The following AGMO variants were observed in gnomAD, a reference collection of about 807,000 sequenced individuals.
AGMO encodes the protein glyceryl-ether monooxygenase.
Under a neutral mutation model 60.2 loss-of-function variants are expected in AGMO, and 75 were observed. The observed-to-expected ratio is 1.25, with a 90% CI of 1.03 to 1.51. The LOEUF is 1.51. AGMO is among the 40% of genes most tolerant of loss of function. AGMO has a pLI of 0.00. For synonymous variants in AGMO, 261 were observed against 177.1 expected, an observed-to-expected ratio of 1.47 and a Z score of -3.76; for missense variants, 763 against 525.5, an observed-to-expected ratio of 1.45 and a Z score of -4.42.
chr7:15,300,590 A>C (rs1004740774), intron 12 of AGMO, among the ~76,000 whole-genome samples: 1 of 152,216 alleles, frequency 6.6e-6, no homozygotes, highest in African/African-American at 2.4e-5. Flanking sequence ...AAAAGAAAGC[A>C]GCAATTTTTC....
chr7:15,390,973 T>G, intron 6 of AGMO, 68 bp from the exon 7 acceptor site: 1 of 962,342 alleles, frequency 1.0e-6, no homozygotes, highest in Non-Finnish European at 1.5e-6. Context: ...ACTTCCATCT[T>G]GTTTTTTAGA....
At chr7:15,138,430 C>G in the AGMO span, among the ~76,000 whole-genome samples, 5 of 152,144 alleles carry the variant, frequency 3.3e-5, no homozygotes, top group African/African-American at 1.2e-4. Context: ...ATCATAATCC[C>G]GACATCCTAA....
intron 3 of AGMO, among the ~76,000 whole-genome samples, chr7:15,498,328 AT>A (rs1783289718): frequency 6.6e-6 from 1 of 152,022 alleles, no homozygotes; most frequent in Non-Finnish European, 1.5e-5. Context: ...TAGTGGGGAT[AT>A]TTAGTAGTTT....
At chr7:15,155,188 T>C in the AGMO span, among the ~76,000 whole-genome samples, 2 of 152,166 alleles carry the variant, frequency 1.3e-5, no homozygotes, top group Non-Finnish European at 2.9e-5. Context: ...TCCTCAAATA[T>C]GGTTTCCAAG....
intron 12 of AGMO, among the ~76,000 whole-genome samples, chr7:15,321,049 C>T (rs916366870): frequency 2.6e-5 from 4 of 152,138 alleles, no homozygotes; most frequent in African/African-American, 9.7e-5. Flanking sequence ...TTTGAGAGGA[C>T]TATTTCATAC....
At chr7:15,462,706 C>T (rs932689089) in intron 3 of AGMO, among the ~76,000 whole-genome samples, 2 of 152,086 alleles carry the variant, frequency 1.3e-5, no homozygotes. Flanking sequence ...AAAAATTAAG[C>T]TCTATCATGT....
chr7:15,178,039 T>A, the AGMO span, among the ~76,000 whole-genome samples: 1 of 152,158 alleles, frequency 6.6e-6, no homozygotes, highest in African/African-American at 2.4e-5. Context: ...CCACTCTTCT[T>A]ACCCCTCCTC....
In AGMO at chr7:15,450,073, AT is replaced by A. The variant is rs1343652765; in HGVS notation, c.410-18966del. On this transcript the variant is annotated intron_variant, in intron 3 of 12. Transcript: ENST00000342526. ...CTTGGTTATTTAAAACCCTTAGTAA[AT>A]TTTTAGTAAAGTATTACAAATGTAA... is the stretch of plus-strand genomic sequence containing the variant. 2.0e-5 allele frequency among the ~76,000 whole-genome samples: 3 copies of A among 152,282 alleles called. No homozygotes were observed. In the East Asian group the frequency reaches 5.8e-4, roughly 29 times the overall value.
chr7:15,287,495 G>A (rs1384824649), intron 12 of AGMO, among the ~76,000 whole-genome samples: 1 of 152,010 alleles, frequency 6.6e-6, no homozygotes, highest in Non-Finnish European at 1.5e-5. Context: ...CAATAGTTTT[G>A]TTCTATTCTG....
At chr7:15,224,427 T>C (rs996230817) in intron 12 of AGMO, among the ~76,000 whole-genome samples, 1 of 151,916 alleles carries the variant, frequency 6.6e-6, no homozygotes, top group African/African-American at 2.4e-5. Context: ...CCCCTTTTTG[T>C]CTCTCTGTCC....
At chr7:15,463,558 TTAA>T (rs1437424965) in intron 3 of AGMO, among the ~76,000 whole-genome samples, 1 of 152,186 alleles carries the variant, frequency 6.6e-6, no homozygotes, top group African/African-American at 2.4e-5. Context: ...GAGCAAAGAA[TTAA>T]TAAGCATTTC....
chr7:15,251,742 G>C (rs1183616999), intron 12 of AGMO, among the ~76,000 whole-genome samples: 2 of 152,286 alleles, frequency 1.3e-5, no homozygotes, highest in East Asian at 3.9e-4. Context: ...CCATGTAGAA[G>C]ATAACAGAAG....
At chr7:15,307,098 G>C (rs1403487118) in intron 12 of AGMO, among the ~76,000 whole-genome samples, 3 of 151,838 alleles carry the variant, frequency 2.0e-5, no homozygotes, top group Non-Finnish European at 4.4e-5. Context: ...ATCACTAATA[G>C]GACAAATCTA....
At chr7:15,545,544 C>T (rs1355545838) in intron 2 of AGMO, among the ~76,000 whole-genome samples, 1 of 151,794 alleles carries the variant, frequency 6.6e-6, no homozygotes, top group South Asian at 2.1e-4. Flanking sequence ...ATACTCAGAG[C>T]ATTTCAACAT....
rs565419301 is a variant in AGMO, at chr7:15,220,134, T to C, written c.1264-18775A>G. ...CCTCTAAGTCCTTAGAATTTTTGCC[T>C]TATTTCTTTTATTGCATTACATACT... On this transcript the variant is annotated intron_variant, in intron 12 of 12. Coordinates refer to ENST00000342526, the MANE Select transcript of AGMO (RefSeq NM_001004320.2). Among the ~76,000 whole-genome samples the C allele has an allele frequency of 3.7e-4, 57 of 152,108 alleles. 1 individual carries two copies. In the South Asian group the frequency reaches 5.8e-3, roughly 15 times the overall value.
In AGMO at chr7:15,366,201, G is replaced by A. The variant is rs1242741647; in HGVS notation, c.1096C>T (p.Leu366Phe). ...DTAALSQVTL[L>F]LRVCFIILTL... is the part of the protein sequence containing the mutation. The stretch of plus-strand genomic sequence containing the variant: ...AGGATAATGAAGCAAACCCTCAGAA[G>A]GAGAGTAACTTGCGACAGTGCCTGT... Residue 366 changes from leucine (L) to phenylalanine (F), a missense_variant, in exon 11 of 13, where the codon CTT becomes TTT. Leu to Phe is a conservative substitution (Grantham distance 22, BLOSUM62 0). Transcript: ENST00000342526. The A allele has an allele frequency of 1.6e-5, 25 of 1,607,364 alleles. No individual in the cohort carries two copies. Among genetic ancestry groups the A allele is most frequent in the Non-Finnish European group, 2.0e-5 (24 of 1,176,408 alleles).
At chr7:15,485,758 C>A (rs2128519202) in intron 3 of AGMO, among the ~76,000 whole-genome samples, 1 of 151,948 alleles carries the variant, frequency 6.6e-6, no homozygotes, top group Non-Finnish European at 1.5e-5. Flanking sequence ...TGTGTTACTC[C>A]TTCTCCCTGC....
intron 5 of AGMO, among the ~76,000 whole-genome samples, chr7:15,410,488 T>C (rs1386149831): frequency 2.0e-5 from 3 of 151,886 alleles, no homozygotes; most frequent in Non-Finnish European, 2.9e-5. Flanking sequence ...TGGGGATTCA[T>C]TAATTATTTA....
At chr7:15,222,436 G>A (rs1236005990) in intron 12 of AGMO, among the ~76,000 whole-genome samples, 2 of 152,028 alleles carry the variant, frequency 1.3e-5, no homozygotes, top group East Asian at 1.9e-4. Context: ...TGGCTAGAGC[G>A]ATTGAGATTT....
Sources: allele counts gnomAD v4.1 joint callset (sites outside exome capture counted in the v4.1 genomes callset), GRCh38; gene constraint gnomAD v4.1.1; transcripts MANE v1.5; gene names NCBI Gene and HGNC (gene_info 2026-07-23, HGNC 2026-07-21).